Variants in AR observed in about 807,000 individuals in gnomAD.
AR encodes the protein dihydrotestosterone receptor.
A neutral mutation model predicts 53.9 loss-of-function variants in AR; 8 were observed. The ratio of observed to expected loss-of-function variants is 0.15; its 90% CI spans 0.09 to 0.27. AR has a LOEUF of 0.27. AR is among the 10% of genes least tolerant of loss of function. AR has a pLI of 1.00. For synonymous variants in AR, 359 were observed against 316.4 expected, an observed-to-expected ratio of 1.13 and a Z score of -1.43; for missense variants, 639 against 742.5, an observed-to-expected ratio of 0.86 and a Z score of 1.62.
At chrX:67,698,482 C>G (rs1410520192) in intron 3 of AR, among the ~76,000 whole-genome samples, 2 of 112,552 alleles carry the variant, frequency 1.8e-5, no homozygotes, top group Non-Finnish European at 3.8e-5. Flanking sequence ...GTTTGCCAGG[C>G]TTTTTTACTC....
intron 3 of AR, among the ~76,000 whole-genome samples, chrX:67,700,132 G>A (rs2076036575): frequency 9.0e-6 from 1 of 111,585 alleles, no homozygotes; most frequent in Admixed American, 9.6e-5. Context: ...CCTTGCCAAT[G>A]GCCCTTTCTT....
intron 1 of AR, among the ~76,000 whole-genome samples, chrX:67,629,041 G>C (rs1924888769): frequency 9.0e-6 from 1 of 111,614 alleles, no homozygotes; most frequent in Non-Finnish European, 1.9e-5. Context: ...CCGTTTGCCA[G>C]TATTTTATTG....
At chrX:67,719,624 G>C (rs757060256) in intron 5 of AR, among the ~76,000 whole-genome samples, 2 of 112,129 alleles carry the variant, frequency 1.8e-5, no homozygotes, top group South Asian at 7.6e-4. Context: ...ATCTAGATAA[G>C]TGTTTCTCAA....
rs2076148448 is a variant in AR, at chrX:67,724,034, T to G, written c.*193T>G. 2 of 525,377 alleles carry G rather than the reference T, an allele frequency of 3.8e-6. No homozygotes were observed. The highest frequency in any genetic ancestry group is 2.4e-5 in the African/African-American group (1 of 41,612). 43.3% of individuals were successfully genotyped at this position (525,377 alleles called of 1,213,427 possible). Reference sequence around the variant, plus strand: ...CTCTTTCTCTCCTTTCTTTTTCTTCTTCCCTCCCTATCTAACCCTCCCATG... The same window carrying G: ...CTCTTTCTCTCCTTTCTTTTTCTTCGTCCCTCCCTATCTAACCCTCCCATG... On this transcript the variant is annotated 3_prime_UTR_variant, in exon 8 of 8. Transcript: ENST00000374690.
At chrX:67,553,113 C>T (rs768681004) in intron 1 of AR, among the ~76,000 whole-genome samples, 3 of 111,428 alleles carry the variant, frequency 2.7e-5, no homozygotes, top group East Asian at 5.6e-4. Context: ...ATGATTTTGG[C>T]GTCGTATCTA....
At chrX:67,721,430 C>T in intron 5 of AR, among the ~76,000 whole-genome samples, 1 of 111,803 alleles carries the variant, frequency 8.9e-6, no homozygotes, top group East Asian at 2.8e-4. Context: ...GTTGAGCTGC[C>T]TGGAAGGCAG....
At chrX:67,631,362 G>A (rs924922014) in intron 1 of AR, among the ~76,000 whole-genome samples, 1 of 111,044 alleles carries the variant, frequency 9.0e-6, no homozygotes, top group African/African-American at 3.3e-5. Flanking sequence ...TTTCTCTAAA[G>A]TTCCCTTCTC....
rs778323654 is a variant in AR, at chrX:67,697,496, C to A, written c.1885+11370C>A. 2.7e-5 allele frequency among the ~76,000 whole-genome samples: 3 copies of A among 111,629 alleles called. No homozygotes were observed. In the South Asian group the frequency reaches 1.2e-3, roughly 43 times the overall value. On this transcript the variant is annotated intron_variant, in intron 3 of 7. Coordinates refer to ENST00000374690, the MANE Select transcript of AR (RefSeq NM_000044.6). ...GATTCTGAAACCTGCCAGCATGACT[C>A]TCAATCTTTGACTTGAGACCAGTTG... is the stretch of plus-strand genomic sequence containing the variant.
intron 1 of AR, among the ~76,000 whole-genome samples, chrX:67,627,786 T>C (rs1256555259): frequency 8.9e-6 from 1 of 111,911 alleles, no homozygotes; most frequent in African/African-American, 3.2e-5. Context: ...CGTTTAAGTC[T>C]TTAATCCATC....
chrX:67,726,427 T>C lies in AR; in HGVS notation c.*2586T>C, dbSNP rs988135089. On this transcript the variant is annotated 3_prime_UTR_variant, in exon 8 of 8. Coordinates refer to ENST00000374690, the MANE Select transcript of AR (RefSeq NM_000044.6). ...GTGATACACAGATTGAATTATATCATTTTCATATCTCTCCTTGTAAATACT... is the reference window on the plus strand; with the variant it reads ...GTGATACACAGATTGAATTATATCACTTTCATATCTCTCCTTGTAAATACT... 1 of 174,035 alleles carries C rather than the reference T, an allele frequency of 5.7e-6. No homozygotes were observed. The highest frequency in any genetic ancestry group is 2.9e-5 in the African/African-American group (1 of 34,096). 14.3% of individuals were successfully genotyped at this position (174,035 alleles called of 1,213,427 possible). A position where few individuals can be genotyped will look rare whatever the true frequency, so the allele number is the denominator to read the frequency against.
intron 1 of AR, among the ~76,000 whole-genome samples, chrX:67,570,725 A>G (rs1426284414): frequency 9.0e-6 from 1 of 110,601 alleles, no homozygotes; most frequent in Non-Finnish European, 1.9e-5. Context: ...ATCACAAATA[A>G]GAATTATTGT....
At chrX:67,684,166 A>G (rs762700368) in intron 2 of AR, among the ~76,000 whole-genome samples, 16 of 111,989 alleles carry the variant, frequency 1.4e-4, no homozygotes, top group Non-Finnish European at 2.6e-4. Context: ...AACAGCTACA[A>G]CATTGGAATT....
chrX:67,682,782 A>C (rs1442852072), intron 2 of AR, among the ~76,000 whole-genome samples: 2 of 111,856 alleles, frequency 1.8e-5, no homozygotes, highest in Non-Finnish European at 1.9e-5. Flanking sequence ...AGGAGAAGTG[A>C]CTTGGAAGCA....
intron 3 of AR, among the ~76,000 whole-genome samples, chrX:67,697,317 G>A (rs769260652): frequency 1.8e-5 from 2 of 111,583 alleles, no homozygotes; most frequent in Non-Finnish European, 3.8e-5. Flanking sequence ...TTGGGGTAAA[G>A]GTCATGAAGT....
chrX:67,650,418 T>C (rs1248731093), intron 2 of AR, among the ~76,000 whole-genome samples: 1 of 112,048 alleles, frequency 8.9e-6, no homozygotes, highest in Admixed American at 9.5e-5. Context: ...TATCAAACTC[T>C]GGTAGTTCAT....
chrX:67,599,094 G>A (rs1029889193), intron 1 of AR, among the ~76,000 whole-genome samples: 1 of 111,838 alleles, frequency 8.9e-6, no homozygotes, highest in African/African-American at 3.2e-5. Context: ...TGTTAGAGAA[G>A]GGGCCTATTG....
At chrX:67,690,869 C>T (rs1174644054) in intron 3 of AR, among the ~76,000 whole-genome samples, 1 of 111,640 alleles carries the variant, frequency 9.0e-6, no homozygotes, top group Admixed American at 9.5e-5. Flanking sequence ...GGCACAGAGA[C>T]ATGAACAAAA....
intron 1 of AR, among the ~76,000 whole-genome samples, chrX:67,600,671 A>G (rs1923311059): frequency 9.0e-6 from 1 of 111,445 alleles, no homozygotes; most frequent in Admixed American, 9.6e-5. Context: ...TAATAATTTA[A>G]TTGTACATTT....
At chrX:67,675,859 C>T (rs1376195986) in intron 2 of AR, among the ~76,000 whole-genome samples, 2 of 111,409 alleles carry the variant, frequency 1.8e-5, no homozygotes, top group East Asian at 2.8e-4. Context: ...GGAGGCTTCT[C>T]TTTGGCCATC....
Sources: allele counts gnomAD v4.1 joint callset (sites outside exome capture counted in the v4.1 genomes callset), GRCh38; gene constraint gnomAD v4.1.1; transcripts MANE v1.5; gene names NCBI Gene and HGNC (gene_info 2026-07-23, HGNC 2026-07-21).